ALDH1L2: variants seen among roughly 807,000 people sequenced by gnomAD.
ALDH1L2 encodes mitochondrial 10-formyltetrahydrofolate dehydrogenase.
Under a neutral mutation model 111.0 loss-of-function variants are expected in ALDH1L2, and 91 were observed. The observed-to-expected ratio is 0.82, with a 90% CI of 0.69 to 0.98. ALDH1L2 has a LOEUF of 0.98. Among genes scored for constraint, ALDH1L2 ranks in the 50% least tolerant of loss-of-function variants. The pLI is 0.00. For missense variants in ALDH1L2, 995 were observed against 1,126.8 expected (o/e 0.88, Z 1.67); for synonymous variants, 374 against 392.6 (o/e 0.95, Z 0.56).
At chr12:105,026,782 A>G in intron 21 of ALDH1L2, 38 bp from the exon 22 acceptor site, 1 of 1,606,400 alleles carries the variant, frequency 6.2e-7, no homozygotes, top group Non-Finnish European at 8.5e-7. Flanking sequence ...CATTAAATGT[A>G]AAGCAAAAGA....
intron 13 of ALDH1L2, 55 bp downstream of exon 13, chr12:105,049,852 CA>C: frequency 1.3e-6 from 2 of 1,549,296 alleles, no homozygotes; most frequent in Non-Finnish European, 1.7e-6. Flanking sequence ...GTGCCTGGTA[CA>C]AACTAATCAA....
In ALDH1L2 at chr12:105,059,951, C is replaced by G. The variant is rs546265184; in HGVS notation, c.1139+1030G>C. On this transcript the variant is annotated intron_variant, in intron 9 of 22. Coordinates refer to ENST00000258494, the MANE Select transcript of ALDH1L2 (RefSeq NM_001034173.4). ...ACAGTCCCTGGTGAGCTCCAGCTGT[C>G]TTGTTATCCCAGTTACTCGAAGAAA... Among the ~76,000 whole-genome samples the G allele has an allele frequency of 3.9e-5, 6 of 152,334 alleles. No individual in the cohort carries two copies. The South Asian group carries it at 1.2e-3, about 32-fold the overall frequency.
rs539760274 is a variant in ALDH1L2 at position 105,031,851 on chromosome 12, C to T, written c.2328G>A (p.Leu776=). 5 of 1,614,180 alleles carry T rather than the reference C, an allele frequency of 3.1e-6. No individual in the cohort carries two copies. In the South Asian group the frequency reaches 5.5e-5, roughly 18 times the overall value. The part of the protein sequence containing the change: ...DHGPQNHKAH[L]EKLLQYCETG... ...TTTCACAGTATTGCAGCAGCTTTTC[C>T]AGATGAGCCTTATGATTTTGGGGCC... is the stretch of plus-strand genomic sequence containing the variant. The change falls in exon 20 of 23, where the codon CTG becomes CTA. Residue 776 remains leucine, a synonymous_variant. Transcript: ENST00000258494.
chr12:105,065,053 C>T (rs562910617), intron 6 of ALDH1L2, among the ~76,000 whole-genome samples: 2 of 152,260 alleles, frequency 1.3e-5, no homozygotes, highest in East Asian at 3.9e-4. Context: ...CTTCTCTGCA[C>T]TCCCCATAAA....
At chr12:105,058,430 T>G (rs575135664) in intron 9 of ALDH1L2, among the ~76,000 whole-genome samples, 41 of 152,332 alleles carry the variant, frequency 2.7e-4, no homozygotes, top group African/African-American at 9.6e-4. Flanking sequence ...TGGCAGTTTT[T>G]TAAAACTTTA....
chr12:105,030,933 T>G (rs1482216793), intron 20 of ALDH1L2, among the ~76,000 whole-genome samples: 1 of 152,234 alleles, frequency 6.6e-6, no homozygotes, highest in African/African-American at 2.4e-5. Flanking sequence ...CTTCTACACA[T>G]TGTATTTGGT....
At chr12:105,058,745 G>A (rs1876790576) in intron 9 of ALDH1L2, among the ~76,000 whole-genome samples, 1 of 152,160 alleles carries the variant, frequency 6.6e-6, no homozygotes, top group Non-Finnish European at 1.5e-5. Context: ...GATTTCCACT[G>A]TTAGTTTGTC....
At chr12:105,046,204 TA>T in intron 15 of ALDH1L2, among the ~76,000 whole-genome samples, 1 of 44,550 alleles carries the variant, frequency 2.2e-5, no homozygotes, top group Non-Finnish European at 4.4e-5. Flanking sequence ...TATATATATA[TA>T]TATATATATA....
intron 8 of ALDH1L2, 86 bp from the exon 9 acceptor site, chr12:105,061,158 C>T (rs1213533748): frequency 1.8e-6 from 2 of 1,134,804 alleles, no homozygotes; most frequent in Admixed American, 1.8e-5. Context: ...AAACCAATTC[C>T]CTCTTCATCT....
rs771063774 is a variant in ALDH1L2, at chr12:105,052,186, G to T, written c.1439C>A (p.Ala480Glu). The T allele has an allele frequency of 6.8e-6, 11 of 1,609,562 alleles. No homozygotes were observed. Among genetic ancestry groups the T allele is most frequent in the Non-Finnish European group, 9.3e-6 (11 of 1,177,798 alleles). The change falls in exon 12 of 23, where the codon GCG (alanine) becomes GAG (glutamate). Residue 480 changes from alanine to glutamate, a missense_variant. Coordinates refer to ENST00000258494, the MANE Select transcript of ALDH1L2 (RefSeq NM_001034173.4). ...TICKVSYASLADVDKAVAAAK... is the reference protein window; with the variant it reads ...TICKVSYASLEDVDKAVAAAK... ...TGCTGCTACTGCTTTATCAACATCC[G>T]CCAAAGAAGCGTAGGATACTTTGCA...
At chr12:105,083,649 C>T (rs918885926) in intron 1 of ALDH1L2, among the ~76,000 whole-genome samples, 2 of 151,844 alleles carry the variant, frequency 1.3e-5, no homozygotes, top group Non-Finnish European at 2.9e-5. Context: ...TCTCTCTTCC[C>T]TAAACAGTCC....
At chr12:105,049,801 G>T in intron 13 of ALDH1L2, 107 bp downstream of exon 13, 1 of 1,293,424 alleles carries the variant, frequency 7.7e-7, no homozygotes, top group Non-Finnish European at 1.0e-6. Flanking sequence ...ACCCTGTTAT[G>T]TTGGTGTAAA....
intron 2 of ALDH1L2, among the ~76,000 whole-genome samples, chr12:105,073,244 A>G (rs1877843618): frequency 6.6e-6 from 1 of 152,250 alleles, no homozygotes. Flanking sequence ...GCCCAAGGTC[A>G]TACAGCTAGT....
intron 21 of ALDH1L2, among the ~76,000 whole-genome samples, chr12:105,028,743 C>T (rs971175893): frequency 2.0e-5 from 3 of 152,256 alleles, no homozygotes; most frequent in Non-Finnish European, 4.4e-5. Flanking sequence ...ATCACCATAG[C>T]TCCATAGCAC....
chr12:105,034,215 A>G lies in ALDH1L2; in HGVS notation c.2244+85T>C, dbSNP rs1278959477. ...CCACAATACTGTTATCACACCTGAA[A>G]ATTCATGAACAATCCTAGAAGTAGG... On this transcript the variant is annotated intron_variant, in intron 19 of 22. Transcript: ENST00000258494. The G allele has an allele frequency of 2.2e-6, 3 of 1,347,146 alleles. No homozygotes were observed. The African/African-American group carries it at 4.4e-5, about 20-fold the overall frequency. 83.4% of individuals were successfully genotyped at this position (1,347,146 alleles called of 1,614,324 possible). A position where few individuals can be genotyped will look rare whatever the true frequency, so the allele number is the denominator to read the frequency against.
rs561208435 is a variant in ALDH1L2, at chr12:105,024,338, T to C, written c.*86A>G. On this transcript the variant is annotated 3_prime_UTR_variant, in exon 23 of 23. Transcript: ENST00000258494. ...TATTTTTTGGTTTGTGGCTGACACC[T>C]CCTGCCTCAACACACCCAATCTTCT... 7 of 1,526,982 alleles carry C rather than the reference T, an allele frequency of 4.6e-6. No individual in the cohort carries two copies. Among genetic ancestry groups the C allele is most frequent in the Non-Finnish European group, 6.3e-6 (7 of 1,105,406 alleles). The allele number at this position is 1,526,982 out of a possible 1,614,324, so 94.6% of individuals were successfully genotyped here. A position where few individuals can be genotyped will look rare whatever the true frequency, so the allele number is the denominator to read the frequency against.
In ALDH1L2 at chr12:105,058,104, T is replaced by A; in HGVS notation, c.1256A>T (p.Glu419Val). Reference protein sequence around the residue: ...IQKVVRKLRGEDQEVELVVDY... With the variant: ...IQKVVRKLRGVDQEVELVVDY... ...TACAACCAGCTCCACCTCTTGATCTTCTCCTCTCAGTTTCCTCACGACCTT... is the reference window on the plus strand; with the variant it reads ...TACAACCAGCTCCACCTCTTGATCTACTCCTCTCAGTTTCCTCACGACCTT... The change falls in exon 10 of 23, where the codon GAA (glutamate) becomes GTA (valine). Residue 419 changes from glutamate to valine, a missense_variant. Transcript: ENST00000258494. The A allele has an allele frequency of 6.2e-7, 1 of 1,613,340 alleles. No homozygotes were observed. The highest frequency in any genetic ancestry group is 8.5e-7 in the Non-Finnish European group (1 of 1,179,736).
chr12:105,029,867 C>T (rs1592762679), intron 21 of ALDH1L2, among the ~76,000 whole-genome samples: 1 of 152,108 alleles, frequency 6.6e-6, no homozygotes, highest in Non-Finnish European at 1.5e-5. Context: ...GCCAGCATGT[C>T]ATTTACAGTT....
intron 9 of ALDH1L2, among the ~76,000 whole-genome samples, chr12:105,059,267 A>AAATAAT (rs56329502): frequency 5.3e-4 from 74 of 138,352 alleles, no homozygotes; most frequent in Non-Finnish European, 7.5e-4. Context: ...CTCTGTCTCA[A>AAATAAT]AATAATAATA....
Sources: allele counts gnomAD v4.1 joint callset (sites outside exome capture counted in the v4.1 genomes callset), GRCh38; gene constraint gnomAD v4.1.1; transcripts MANE v1.5; gene names NCBI Gene and HGNC (gene_info 2026-07-23, HGNC 2026-07-21).